The following WWOX variants were observed in gnomAD, a reference collection of about 807,000 sequenced individuals.
The protein encoded by WWOX is WW domain containing oxidoreductase, also known as WW domain-containing oxidoreductase.
Under a neutral mutation model 46.2 loss-of-function variants are expected in WWOX, and 69 were observed. The observed-to-expected ratio is 1.49, with a 90% CI of 1.23 to 1.82. WWOX has a LOEUF of 1.82. WWOX is among the 40% of genes most tolerant of loss of function. The pLI is 0.00. For synonymous variants in WWOX, 359 were observed against 202.6 expected (o/e 1.77, Z -6.56); for missense variants, 919 against 542.6 (o/e 1.69, Z -6.89).
chr16:78,893,149 G>A (rs140439449), intron 8 of WWOX, among the ~76,000 whole-genome samples: 1 of 151,842 alleles, frequency 6.6e-6, no homozygotes, highest in Non-Finnish European at 1.5e-5. Flanking sequence ...CAGGCTGACA[G>A]GGTCACAAAG....
At position 78,694,263 on chromosome 16, in the gene WWOX, A is replaced by C. The variant is rs77154255; in HGVS notation, c.1056+261511A>C. ...TTTAGAAATGGTACAGTCAGAGGTT[A>C]GGGGTCGGGTCAAAGCGATCCCCCC... is the stretch of plus-strand genomic sequence containing the variant. On this transcript the variant is annotated intron_variant, in intron 8 of 8. Transcript: ENST00000566780. Among the ~76,000 whole-genome samples, 1,503 of 152,270 alleles carry C rather than the reference A, an allele frequency of 9.9e-3. 25 individuals are homozygous for C. Among genetic ancestry groups the C allele is most frequent in the African/African-American group, 0.035 (1,441 of 41,554 alleles).
chr16:78,545,288 T>C (rs2044001554), intron 8 of WWOX, among the ~76,000 whole-genome samples: 1 of 152,170 alleles, frequency 6.6e-6, no homozygotes, highest in South Asian at 2.1e-4. Context: ...TTGGTTCTAA[T>C]CTCTGCTTCT....
intron 6 of WWOX, among the ~76,000 whole-genome samples, chr16:78,389,597 T>C (rs936331076): frequency 2.0e-5 from 3 of 152,200 alleles, no homozygotes; most frequent in African/African-American, 7.2e-5. Context: ...TGGGAGTAGA[T>C]GCTATTAATA....
rs1270043240 is a variant in WWOX, at chr16:78,756,956, T to A, written c.1056+324204T>A. The A allele has an allele frequency of 4.3e-6, 3 of 702,920 alleles. No homozygotes were observed. In the East Asian group the frequency reaches 8.0e-5, roughly 19 times the overall value. The allele number at this position is 702,920 out of a possible 1,614,324, so 43.5% of individuals were successfully genotyped here. On this transcript the variant is annotated intron_variant, in intron 8 of 8. Coordinates refer to ENST00000566780, the MANE Select transcript of WWOX (RefSeq NM_016373.4). ...TCACTCTAGGAAAAGCCAGCTGCCA[T>A]GTTGGGAGGATACTCAAGCATACCC... is the stretch of plus-strand genomic sequence containing the variant.
At chr16:78,924,945 AG>A (rs1456146247) in intron 8 of WWOX, among the ~76,000 whole-genome samples, 5 of 152,322 alleles carry the variant, frequency 3.3e-5, no homozygotes, top group African/African-American at 1.2e-4. Context: ...TTGTAATTCC[AG>A]CACTTTGGGG....
chr16:78,918,837 G>A (rs1187330227), intron 8 of WWOX, among the ~76,000 whole-genome samples: 1 of 152,034 alleles, frequency 6.6e-6, no homozygotes, highest in Admixed American at 6.6e-5. Flanking sequence ...TCCTTTGCGG[G>A]GTCTCACATG....
At chr16:78,820,456 T>A (rs538591565) in intron 8 of WWOX, among the ~76,000 whole-genome samples, 12 of 152,276 alleles carry the variant, frequency 7.9e-5, no homozygotes, top group African/African-American at 2.9e-4. Context: ...TAAAAATCTT[T>A]CTTACTGATG....
At chr16:78,813,044 T>C (rs561205337) in intron 8 of WWOX, among the ~76,000 whole-genome samples, 1 of 151,904 alleles carries the variant, frequency 6.6e-6, no homozygotes, top group East Asian at 1.9e-4. Flanking sequence ...CTTATTTCCG[T>C]CTAGTTATAG....
intron 8 of WWOX, among the ~76,000 whole-genome samples, chr16:78,760,330 T>G (rs959738844): frequency 2.6e-5 from 4 of 152,214 alleles, no homozygotes; most frequent in African/African-American, 9.6e-5. Context: ...ATGTGGGAAT[T>G]ATGGGAGCTA....
chr16:79,003,427 C>T (rs1330165522), intron 8 of WWOX, among the ~76,000 whole-genome samples: 1 of 152,194 alleles, frequency 6.6e-6, no homozygotes, highest in Non-Finnish European at 1.5e-5. Flanking sequence ...TTATCTATTG[C>T]TGAGTAACAA....
At chr16:78,104,231 AACACACACACACACACACACAC>A (rs376622174) in intron 1 of WWOX, among the ~76,000 whole-genome samples, 1 of 130,124 alleles carries the variant, frequency 7.7e-6, no homozygotes, top group Non-Finnish European at 1.6e-5. Context: ...CTGTGCTCAA[AACACACACACACACACACACAC>A]ACACACACAC....
chr16:78,202,492 T>C (rs891947113), intron 5 of WWOX, among the ~76,000 whole-genome samples: 3 of 152,258 alleles, frequency 2.0e-5, no homozygotes, highest in East Asian at 3.8e-4. Context: ...AAAAAAGCCA[T>C]GTAGACCTCG....
intron 8 of WWOX, among the ~76,000 whole-genome samples, chr16:79,052,412 GC>G (rs2048185629): frequency 6.6e-6 from 1 of 152,140 alleles, no homozygotes; most frequent in Non-Finnish European, 1.5e-5. Flanking sequence ...GTGTATATGT[GC>G]CAGCCATCCC....
intron 8 of WWOX, among the ~76,000 whole-genome samples, chr16:78,876,940 A>G (rs942290100): frequency 6.6e-6 from 1 of 152,202 alleles, no homozygotes; most frequent in East Asian, 1.9e-4. Context: ...ATTAAGGCAT[A>G]AAGTAGGAAA....
At chr16:78,912,899 T>C (rs986501097) in intron 8 of WWOX, among the ~76,000 whole-genome samples, 6 of 151,950 alleles carry the variant, frequency 3.9e-5, no homozygotes, top group Admixed American at 6.6e-5. Context: ...TGGAAAACAC[T>C]ATCCATTAGC....
intron 8 of WWOX, among the ~76,000 whole-genome samples, chr16:79,194,946 A>G (rs2051209431): frequency 6.6e-6 from 1 of 152,144 alleles, no homozygotes. Context: ...GAATGAGATG[A>G]GTAGATGCTA....
intron 8 of WWOX, among the ~76,000 whole-genome samples, chr16:78,634,313 C>G (rs757644029): frequency 2.6e-5 from 4 of 152,124 alleles, no homozygotes. Flanking sequence ...AAATGATACG[C>G]TTCAGCTCTT....
chr16:79,100,478 G>A (rs969579660), intron 8 of WWOX, among the ~76,000 whole-genome samples: 6 of 152,026 alleles, frequency 3.9e-5, no homozygotes, highest in Non-Finnish European at 8.8e-5. Flanking sequence ...AAATCTTACA[G>A]GCTTGTGTTG....
At chr16:78,382,840 T>C (rs931563825) in intron 5 of WWOX, among the ~76,000 whole-genome samples, 2 of 152,006 alleles carry the variant, frequency 1.3e-5, no homozygotes, top group Non-Finnish European at 2.9e-5. Flanking sequence ...TCTCAAGTTG[T>C]GTTAGTTCCT....
Sources: gnomAD v4.1 joint callset for allele counts (sites outside exome capture counted in the v4.1 genomes callset) on GRCh38, gnomAD v4.1.1 for gene constraint, MANE v1.5 for transcripts, NCBI Gene and HGNC (gene_info 2026-07-23, HGNC 2026-07-21) for gene names.